SPART: variants seen among roughly 807,000 people sequenced by gnomAD.
SPART encodes the protein spartin, also known as spastic paraplegia 20 (Troyer syndrome).
Under a neutral mutation model 58.7 loss-of-function variants are expected in SPART, and 35 were observed. The observed-to-expected ratio is 0.60, with a 90% CI of 0.46 to 0.79. The LOEUF (loss-of-function observed/expected upper bound fraction) is 0.79. Ranked by LOEUF, SPART falls within the 30% of genes least tolerant of loss-of-function variation. The probability of loss-of-function intolerance (pLI) is 0.00; values close to 1 mark genes in which losing one functional copy is unlikely to be tolerated. For missense variants in SPART, 730 were observed against 786.1 expected, an observed-to-expected ratio of 0.93 and a Z score of 0.85; for synonymous variants, 284 against 280.7, an observed-to-expected ratio of 1.01 and a Z score of -0.12.
chr13:36,332,377 A>G (rs888621919), intron 2 of SPART, among the ~76,000 whole-genome samples: 1 of 152,166 alleles, frequency 6.6e-6, no homozygotes, highest in African/African-American at 2.4e-5. Context: ...GCATGCCTGT[A>G]ATCCTAGCTC....
At chr13:36,362,803 TTA>T (rs1238814542) in intron 1 of SPART, among the ~76,000 whole-genome samples, 1 of 152,046 alleles carries the variant, frequency 6.6e-6, no homozygotes, top group East Asian at 1.9e-4. Context: ...TTTTTTTTTT[TTA>T]AATGAGATTT....
intron 5 of SPART, chr13:36,326,044 C>A (rs1375490661): frequency 6.5e-6 from 1 of 153,800 alleles, no homozygotes; most frequent in Non-Finnish European, 1.4e-5. Flanking sequence ...CACCTTCTTA[C>A]TGCTTCCTCA....
In SPART at chr13:36,339,277, A is replaced by G. The variant is rs1480830891; in HGVS notation, c.-2-3445T>C. On this transcript the variant is annotated intron_variant, in intron 1 of 8. Transcript: ENST00000438666. The stretch of plus-strand genomic sequence containing the variant: ...AAGGATGAGGTCATACAATTATAGA[A>G]AATGCCCAGAAAGCAGAGCAAAAAG... Among the ~76,000 whole-genome samples, 9 of 152,228 alleles carry G rather than the reference A, an allele frequency of 5.9e-5. No homozygotes were observed. The South Asian group carries it at 1.2e-3, about 21-fold the overall frequency.
At chr13:36,333,154 A>ATAT (rs1335107822) in intron 2 of SPART, among the ~76,000 whole-genome samples, 1 of 152,106 alleles carries the variant, frequency 6.6e-6, no homozygotes, top group Non-Finnish European at 1.5e-5. Context: ...AGGATATTAC[A>ATAT]GATAAGTGAG....
At chr13:36,331,675 T>C in intron 2 of SPART, 79 bp from the exon 3 acceptor site, 1 of 1,087,254 alleles carries the variant, frequency 9.2e-7, no homozygotes, top group Non-Finnish European at 1.3e-6. Context: ...TTAATAAAAT[T>C]GTTATACTAG....
At chr13:36,308,915 G>T (rs1436315184) in intron 8 of SPART, among the ~76,000 whole-genome samples, 1 of 152,150 alleles carries the variant, frequency 6.6e-6, no homozygotes, top group Non-Finnish European at 1.5e-5. Flanking sequence ...AAGAATTTGA[G>T]ATCTATTGTA....
intron 2 of SPART, among the ~76,000 whole-genome samples, chr13:36,332,857 A>G (rs1370287439): frequency 6.6e-6 from 1 of 152,222 alleles, no homozygotes; most frequent in East Asian, 1.9e-4. Flanking sequence ...TATGTATGAG[A>G]AAAATACATA....
At chr13:36,340,296 G>A (rs1204084407) in intron 1 of SPART, among the ~76,000 whole-genome samples, 1 of 150,808 alleles carries the variant, frequency 6.6e-6, no homozygotes, top group Non-Finnish European at 1.5e-5. Flanking sequence ...CCGGGAGGCG[G>A]ACCTTGCAGT....
In SPART at chr13:36,365,658, T is replaced by C. The variant is rs1454267419; in HGVS notation, c.-3+4431A>G. On this transcript the variant is annotated intron_variant, in intron 1 of 8. Coordinates refer to the SPART transcript ENST00000355182. The stretch of plus-strand genomic sequence containing the variant: ...CCCTAGTTTTTTGACTTTGTAAGGG[T>C]GAGGAATTTTAATTTGTATATACTT... The C allele has an allele frequency of 1.1e-5, 5 of 456,444 alleles. No individual in the cohort carries two copies. In the Admixed American group the frequency reaches 1.3e-4, roughly 12 times the overall value. 28.3% of individuals were successfully genotyped at this position (456,444 alleles called of 1,614,324 possible). A position where few individuals can be genotyped will look rare whatever the true frequency, so the allele number is the denominator to read the frequency against.
intron 8 of SPART, among the ~76,000 whole-genome samples, chr13:36,311,324 G>A (rs1881074741): frequency 6.6e-6 from 1 of 152,166 alleles, no homozygotes; most frequent in Non-Finnish European, 1.5e-5. Context: ...CTAATCAGGT[G>A]AGTTTGTGCA....
At chr13:36,360,690 A>G (rs940867995) in intron 1 of SPART, 4 of 152,766 alleles carry the variant, frequency 2.6e-5, no homozygotes, top group African/African-American at 9.7e-5. Context: ...GTGTTTTGCC[A>G]TATATGCAAG....
chr13:36,356,352 G>A (rs895766625), intron 1 of SPART, among the ~76,000 whole-genome samples: 1 of 152,196 alleles, frequency 6.6e-6, no homozygotes, highest in South Asian at 2.1e-4. Context: ...GTATGTCAGT[G>A]TACTTTATTC....
chr13:36,326,935 T>C (rs566774781), intron 4 of SPART, among the ~76,000 whole-genome samples: 4 of 152,122 alleles, frequency 2.6e-5, no homozygotes, highest in Non-Finnish European at 5.9e-5. Flanking sequence ...CCAATATAAG[T>C]CCAATATGGC....
intron 5 of SPART, among the ~76,000 whole-genome samples, chr13:36,324,943 C>T (rs1882769926): frequency 6.6e-6 from 1 of 152,166 alleles, no homozygotes; most frequent in South Asian, 2.1e-4. Context: ...AGGACTTTCA[C>T]AAGGTAATGT....
chr13:36,314,077 G>GTC lies in SPART; in HGVS notation c.1483+148_1483+149dup. 5 of 764,162 alleles carry GTC rather than the reference G, an allele frequency of 6.5e-6. No homozygotes were observed. In the South Asian group the frequency reaches 9.2e-5, roughly 14 times the overall value. 47.3% of individuals were successfully genotyped at this position (764,162 alleles called of 1,614,324 possible). A position where few individuals can be genotyped will look rare whatever the true frequency, so the allele number is the denominator to read the frequency against. Reference sequence around the variant, plus strand: ...ACGATGTGATGTTGCTGGTCCGCAGGTCTCACTATGAATAACAAAGAGAAA... The same window carrying GTC: ...ACGATGTGATGTTGCTGGTCCGCAGGTCTCTCACTATGAATAACAAAGAGAAA... On this transcript the variant is annotated intron_variant, in intron 6 of 8. Transcript: ENST00000438666.
Position 36,314,422 on chromosome 13 carries a change from C to A in SPART, c.1289-1G>T. On this transcript the variant is annotated splice_acceptor_variant, in intron 5 of 8. Transcript: ENST00000438666. LOFTEE classifies it high-confidence loss of function. ...AAACCCCAACTCACCCAGGAAGCAC[C>A]TTTTTAAAAGAAAATTTAAAATTGC... 6.2e-7 allele frequency: 1 copy of A among 1,614,014 alleles called. No individual in the cohort carries two copies. Among genetic ancestry groups the A allele is most frequent in the Non-Finnish European group, 8.5e-7 (1 of 1,179,968 alleles).
At chr13:36,337,484 A>G (rs1225124186) in intron 1 of SPART, among the ~76,000 whole-genome samples, 3 of 152,202 alleles carry the variant, frequency 2.0e-5, no homozygotes, top group Non-Finnish European at 2.9e-5. Context: ...GAGTTCTCAC[A>G]ACATCTGATG....
chr13:36,304,127 T>A lies in SPART; in HGVS notation c.*238A>T, dbSNP rs1880246024. On this transcript the variant is annotated 3_prime_UTR_variant, in exon 9 of 9. Coordinates refer to ENST00000438666, the MANE Select transcript of SPART (RefSeq NM_015087.5). ...ATTTTACCTGCAAAAATATTTTAGC[T>A]ACACTTGGAAAAAAATAAACTTGAG... 1 of 569,456 alleles carries A rather than the reference T, an allele frequency of 1.8e-6. No homozygotes were observed. Among genetic ancestry groups the A allele is most frequent in the South Asian group, 2.1e-5 (1 of 47,138 alleles). 35.3% of individuals were successfully genotyped at this position (569,456 alleles called of 1,614,324 possible). A position where few individuals can be genotyped will look rare whatever the true frequency, so the allele number is the denominator to read the frequency against.
chr13:36,314,849 GAGAAAGAC>G (rs1881516767), intron 5 of SPART, among the ~76,000 whole-genome samples: 1 of 152,162 alleles, frequency 6.6e-6, no homozygotes, highest in South Asian at 2.1e-4. Flanking sequence ...AATCTTGAGG[GAGAAAGAC>G]AGAAACATCA....
Sources: allele counts gnomAD v4.1 joint callset (sites outside exome capture counted in the v4.1 genomes callset), GRCh38; gene constraint gnomAD v4.1.1; transcripts MANE v1.5; gene names NCBI Gene and HGNC (gene_info 2026-07-23, HGNC 2026-07-21).